Variants in MLXIPL observed in about 807,000 individuals in gnomAD.
MLXIPL encodes the protein MLX interacting protein like.
In MLXIPL, 49 loss-of-function variants were observed where a neutral mutation model predicts 81.5. The ratio of observed to expected loss-of-function variants is 0.60; its 90% CI spans 0.48 to 0.76. The LOEUF (loss-of-function observed/expected upper bound fraction) is 0.76, where lower values mean the gene tolerates loss of function less well. Among genes scored for constraint, MLXIPL ranks in the 30% least tolerant of loss-of-function variants. The pLI, the probability that MLXIPL is intolerant of heterozygous loss-of-function variation, is 0.00. For synonymous variants in MLXIPL, 466 were observed against 485.5 expected (o/e 0.96, Z 0.53); for missense variants, 1,053 against 1,167.0 (o/e 0.90, Z 1.42).
rs1256693276 is a variant in MLXIPL, at chr7:73,615,748, A to G, written c.400+323T>C. 4.6e-5 allele frequency among the ~76,000 whole-genome samples: 7 copies of G among 152,092 alleles called. No individual in the cohort carries two copies. In the East Asian group the frequency reaches 1.4e-3, roughly 29 times the overall value. ...TGGCCAACATGGTGAAACCGTCTCT[A>G]CTAAAAATACAAAAATTAGCTGGGA... is the stretch of plus-strand genomic sequence containing the variant. On this transcript the variant is annotated intron_variant, in intron 2 of 16. Transcript: ENST00000313375.
chr7:73,612,828 G>A (rs1184425564), intron 2 of MLXIPL, among the ~76,000 whole-genome samples: 3 of 152,018 alleles, frequency 2.0e-5, no homozygotes, highest in Admixed American at 6.6e-5. Context: ...ACTCAGCCGC[G>A]GAACCCTTTG....
chr7:73,596,243 G>A lies in MLXIPL; in HGVS notation c.1968C>T (p.Ser656=), dbSNP rs782210442. The A allele has an allele frequency of 1.2e-5, 20 of 1,613,436 alleles. No homozygotes were observed. The highest frequency in any genetic ancestry group is 2.2e-5 in the East Asian group (1 of 44,856). ...KTENRRITHI[S]AEQKRRFNIK... The stretch of plus-strand genomic sequence containing the variant: ...TGTTGAAGCGCCGCTTCTGCTCCGC[G>A]GAGATGTGTGTGATACGCCGGTTCT... The change falls in exon 13 of 17, where the codon TCC becomes TCT. Residue 656 remains serine, a synonymous_variant. Transcript: ENST00000313375. This position sits in a 1 kb window ranked among gnomAD's most constrained non-coding sequence, Gnocchi z 4.7.
rs922304446 is a variant in MLXIPL at position 73,623,167 on chromosome 7, C to G, written c.293+1033G>C. 6.6e-6 allele frequency among the ~76,000 whole-genome samples: 1 copy of G among 152,232 alleles called. No individual in the cohort carries two copies. Among genetic ancestry groups the G allele is most frequent in the Admixed American group, 6.5e-5 (1 of 15,280 alleles). Reference sequence around the variant, plus strand: ...TGCGGTTGGGGGCAGGCAACACTCCCCTCACAGTCCCCACCCCAGCTCCTG... The same window carrying G: ...TGCGGTTGGGGGCAGGCAACACTCCGCTCACAGTCCCCACCCCAGCTCCTG... On this transcript the variant is annotated intron_variant, in intron 1 of 16. Coordinates refer to ENST00000313375, the MANE Select transcript of MLXIPL (RefSeq NM_032951.3). The surrounding 1 kb of genome is among the most constrained non-coding windows in gnomAD (Gnocchi z 5.7).
chr7:73,594,155 G>A, intron 16 of MLXIPL, 119 bp downstream of exon 16: 3 of 1,515,314 alleles, frequency 2.0e-6, no homozygotes, highest in Non-Finnish European at 2.7e-6. Flanking sequence ...GGGATGCGGG[G>A]TGGCCACAAC....
the MLXIPL span, among the ~76,000 whole-genome samples, chr7:73,631,030 A>G: frequency 1.3e-5 from 2 of 148,788 alleles, no homozygotes; most frequent in Non-Finnish European, 3.0e-5. Context: ...TTTTTTTGAG[A>G]CGGAGTCTTG....
At chr7:73,645,840 C>A in the MLXIPL span, among the ~76,000 whole-genome samples, 6 of 152,100 alleles carry the variant, frequency 3.9e-5, no homozygotes, top group African/African-American at 1.4e-4. Context: ...TGACCTTGAG[C>A]CAGAGCCTTG....
chr7:73,616,958 G>T (rs111803992), intron 1 of MLXIPL, among the ~76,000 whole-genome samples: 9,036 of 152,100 alleles, frequency 0.059, 365 homozygotes, highest in Middle Eastern at 0.095. Context: ...GGATGGCCAT[G>T]GTTTGCCTGG....
chr7:73,601,030 C>G (rs1217093732), intron 7 of MLXIPL, among the ~76,000 whole-genome samples: 4 of 151,840 alleles, frequency 2.6e-5, no homozygotes, highest in Admixed American at 1.3e-4. Context: ...TCCCCACAGA[C>G]CTGGGTGGGC....
Position 73,607,328 on chromosome 7 carries a change from G to T in MLXIPL, c.573+3C>A. On this transcript the variant is annotated splice_donor_region_variant and intron_variant, in intron 4 of 16. Coordinates refer to ENST00000313375, the MANE Select transcript of MLXIPL (RefSeq NM_032951.3). ...GGGGCCTCCCTGGCCCTCCCCCACT[G>T]ACCCGCTTCTTGTAGTAGATGCGCC... 6.4e-7 allele frequency: 1 copy of T among 1,561,682 alleles called. No individual in the cohort carries two copies. The highest frequency in any genetic ancestry group is 1.2e-5 in the South Asian group (1 of 84,794).
In MLXIPL at chr7:73,605,808, GA is replaced by G. The variant is rs1221470302; in HGVS notation, c.821-41del. 7 of 1,603,120 alleles carry G rather than the reference GA, an allele frequency of 4.4e-6. No homozygotes were observed. The African/African-American group carries it at 9.4e-5, about 21-fold the overall frequency. On this transcript the variant is annotated intron_variant, in intron 6 of 16. Coordinates refer to ENST00000313375, the MANE Select transcript of MLXIPL (RefSeq NM_032951.3). ...GGCGACATCAGCAGCAGCAGGCAGGGAGGAGCAGGGTCCCCACCCCCATCCC... is the reference window on the plus strand; with the variant it reads ...GGCGACATCAGCAGCAGCAGGCAGGGGGAGCAGGGTCCCCACCCCCATCCC...
At position 73,596,129 on chromosome 7, in the gene MLXIPL, T is replaced by A; in HGVS notation, c.2058+24A>T. The stretch of plus-strand genomic sequence containing the variant: ...GAAAGGGGCCCTGTGGTTTTGGGGG[T>A]GCCAGCCTGGGCCCGGGGCTCACCT... On this transcript the variant is annotated intron_variant, in intron 13 of 16. Transcript: ENST00000313375. The surrounding 1 kb of genome is among the most constrained non-coding windows in gnomAD (Gnocchi z 4.7). 6.2e-7 allele frequency: 1 copy of A among 1,608,874 alleles called. No individual in the cohort carries two copies.
upstream of MLXIPL, among the ~76,000 whole-genome samples, chr7:73,626,139 G>A (rs2116558625): frequency 6.6e-6 from 1 of 152,080 alleles, no homozygotes; most frequent in East Asian, 1.9e-4. Flanking sequence ...GAGTAGCCGG[G>A]ATTACAAGTG....
chr7:73,643,407 G>A, the MLXIPL span, among the ~76,000 whole-genome samples: 334 of 152,082 alleles, frequency 2.2e-3, 1 homozygote, highest in African/African-American at 7.7e-3. Context: ...CCAGCTACTC[G>A]GGAGGCTGAG....
the MLXIPL span, among the ~76,000 whole-genome samples, chr7:73,640,701 C>T: frequency 2.0e-5 from 3 of 148,000 alleles, no homozygotes; most frequent in South Asian, 2.2e-4. Context: ...CGCTTGAATC[C>T]GGGAGGCGGA....
At chr7:73,595,514 G>A in intron 15 of MLXIPL, 123 bp downstream of exon 15, 1 of 1,601,010 alleles carries the variant, frequency 6.2e-7, no homozygotes, top group South Asian at 1.1e-5. Context: ...GCCAGAGCCT[G>A]TCACCTGGGA....
chr7:73,617,431 C>T (rs1257115059), intron 1 of MLXIPL, among the ~76,000 whole-genome samples: 1 of 152,134 alleles, frequency 6.6e-6, no homozygotes, highest in Non-Finnish European at 1.5e-5. Context: ...AGAAGGTGTG[C>T]TCTTCTCAGG....
chr7:73,596,964 G>A lies in MLXIPL; in HGVS notation c.1604-32C>T, dbSNP rs1554594406. 1 of 1,596,018 alleles carries A rather than the reference G, an allele frequency of 6.3e-7. No homozygotes were observed. The highest frequency in any genetic ancestry group is 8.5e-7 in the Non-Finnish European group (1 of 1,173,302). ...ACGGGCAGAACCGTGAGGCTACTGG[G>A]GCTGGCCCACCCCCGGCATCTATCA... On this transcript the variant is annotated intron_variant, in intron 9 of 16. Transcript: ENST00000313375. The surrounding 1 kb of genome is among the most constrained non-coding windows in gnomAD (Gnocchi z 4.7).
chr7:73,599,552 G>C lies in MLXIPL; in HGVS notation c.1045C>G (p.His349Asp). Residue 349 changes from histidine to aspartate, a missense_variant, in exon 8 of 17, where the codon CAC (histidine) becomes GAC (aspartate). Coordinates refer to ENST00000313375, the MANE Select transcript of MLXIPL (RefSeq NM_032951.3). ...EVPPASSAMT[H>D]LSGHSRLQAR... ...TGCAGACGGCTGTGTCCAGAGAGGT[G>C]GGTCATGGCCGAGGAAGCCGGGGGC... 6.2e-7 allele frequency: 1 copy of C among 1,613,130 alleles called. No homozygotes were observed. Among genetic ancestry groups the C allele is most frequent in the Non-Finnish European group, 8.5e-7 (1 of 1,179,776 alleles).
At chr7:73,616,686 T>TAAAAATAC (rs1291925993) in intron 1 of MLXIPL, among the ~76,000 whole-genome samples, 5 of 151,914 alleles carry the variant, frequency 3.3e-5, no homozygotes, top group African/African-American at 1.2e-4. Flanking sequence ...CTGTCTCTAC[T>TAAAAATAC]AAAAATACAA....
Sources: gnomAD v4.1 joint callset for allele counts (sites outside exome capture counted in the v4.1 genomes callset) on GRCh38, gnomAD v4.1.1 for gene constraint, Gnocchi (gnomAD v3.1) non-coding constraint, MANE v1.5 for transcripts, NCBI Gene and HGNC (gene_info 2026-07-23, HGNC 2026-07-21) for gene names.